The following SLC25A13 variants were observed in gnomAD, a reference collection of about 807,000 sequenced individuals.
SLC25A13 encodes the protein solute carrier family 25 member 13, also known as electrogenic aspartate/glutamate antiporter SLC25A13, mitochondrial.
A neutral mutation model predicts 85.5 loss-of-function variants in SLC25A13; 70 were observed. That is an observed-to-expected ratio of 0.82 (90% CI 0.68 to 1.00). SLC25A13 has a LOEUF of 1.00. Ranked by LOEUF, SLC25A13 falls within the 50% of genes least tolerant of loss-of-function variation. The pLI is 0.00. For synonymous variants in SLC25A13, 259 were observed against 288.7 expected, an observed-to-expected ratio of 0.90 and a Z score of 1.04; for missense variants, 765 against 819.8, an observed-to-expected ratio of 0.93 and a Z score of 0.82.
intron 4 of SLC25A13, among the ~76,000 whole-genome samples, chr7:96,227,533 T>C (rs938390427): frequency 1.3e-5 from 2 of 152,146 alleles, no homozygotes; most frequent in African/African-American, 2.4e-5. Flanking sequence ...ATATGACTTA[T>C]AAAGCTGTAG....
At chr7:96,187,232 G>A (rs1023351574) in intron 9 of SLC25A13, among the ~76,000 whole-genome samples, 8 of 152,114 alleles carry the variant, frequency 5.3e-5, no homozygotes, top group African/African-American at 1.9e-4. Context: ...AATAAAATTT[G>A]TTTTTCAGAA....
At chr7:96,192,074 T>C (rs1794875503) in intron 6 of SLC25A13, among the ~76,000 whole-genome samples, 1 of 152,106 alleles carries the variant, frequency 6.6e-6, no homozygotes, top group African/African-American at 2.4e-5. Context: ...AAGTTTAGTA[T>C]GGAGTAGAGA....
intron 3 of SLC25A13, among the ~76,000 whole-genome samples, chr7:96,270,851 A>G (rs1798214178): frequency 6.6e-6 from 1 of 152,090 alleles, no homozygotes; most frequent in Non-Finnish European, 1.5e-5. Context: ...CTTGCGGAAA[A>G]TCCCCTCTTG....
intron 3 of SLC25A13, among the ~76,000 whole-genome samples, chr7:96,249,520 A>G (rs948290104): frequency 5.3e-5 from 8 of 152,214 alleles, no homozygotes; most frequent in Non-Finnish European, 8.8e-5. Context: ...TCATGGAAGA[A>G]CCTATATAAA....
intron 13 of SLC25A13, among the ~76,000 whole-genome samples, chr7:96,153,357 A>G (rs1351334024): frequency 6.6e-6 from 1 of 152,248 alleles, no homozygotes; most frequent in African/African-American, 2.4e-5. Flanking sequence ...CTCCATAGGA[A>G]GTTATGATTA....
At position 96,296,954 on chromosome 7, in the gene SLC25A13, A is replaced by G; in HGVS notation, c.16-3T>C. 1 of 1,611,236 alleles carries G rather than the reference A, an allele frequency of 6.2e-7. No homozygotes were observed. The highest frequency in any genetic ancestry group is 8.5e-7 in the Non-Finnish European group (1 of 1,177,484). On this transcript the variant is annotated splice_region_variant and splice_polypyrimidine_tract_variant and intron_variant, in intron 1 of 17. Coordinates refer to ENST00000265631, the MANE Select transcript of SLC25A13 (RefSeq NM_014251.3). ...TCTGCTCTCTTGGTTAAAGCCACCT[A>G]TAAATAAACATAAAAATGTTTATGT...
chr7:96,159,310 A>T (rs1017871458), intron 13 of SLC25A13, among the ~76,000 whole-genome samples: 1 of 152,210 alleles, frequency 6.6e-6, no homozygotes, highest in African/African-American at 2.4e-5. Flanking sequence ...CTGAAGTCCT[A>T]ACTCTCAGGA....
chr7:96,312,686 T>C (rs963704743), intron 1 of SLC25A13, among the ~76,000 whole-genome samples: 7 of 152,224 alleles, frequency 4.6e-5, no homozygotes, highest in African/African-American at 1.4e-4. Context: ...TGCTAAGTAC[T>C]GTACCCATGA....
At chr7:96,254,235 G>A (rs779618335) in intron 3 of SLC25A13, among the ~76,000 whole-genome samples, 2 of 152,168 alleles carry the variant, frequency 1.3e-5, no homozygotes, top group Non-Finnish European at 2.9e-5. Flanking sequence ...AATGTGGTAG[G>A]CAACATCCAA....
intron 13 of SLC25A13, among the ~76,000 whole-genome samples, chr7:96,159,163 G>A (rs974328452): frequency 6.6e-5 from 10 of 152,206 alleles, no homozygotes; most frequent in African/African-American, 2.2e-4. Context: ...GAAGGGAAGT[G>A]TGTTGGGCTC....
intron 11 of SLC25A13, among the ~76,000 whole-genome samples, chr7:96,175,693 T>C (rs933759885): frequency 6.6e-6 from 1 of 152,140 alleles, no homozygotes; most frequent in Non-Finnish European, 1.5e-5. Flanking sequence ...TGTAGATGCA[T>C]GGGGTGGCTT....
intron 14 of SLC25A13, among the ~76,000 whole-genome samples, chr7:96,145,370 T>G (rs1792741520): frequency 6.6e-6 from 1 of 152,132 alleles, no homozygotes; most frequent in Non-Finnish European, 1.5e-5. Flanking sequence ...TATTACTAAT[T>G]CTGGATGTTT....
intron 15 of SLC25A13, 128 bp downstream of exon 15, chr7:96,131,615 T>G: frequency 8.2e-7 from 1 of 1,214,290 alleles, no homozygotes; most frequent in Non-Finnish European, 1.2e-6. Flanking sequence ...AGCTCTTCAA[T>G]CTCTAGCAAA....
intron 4 of SLC25A13, among the ~76,000 whole-genome samples, chr7:96,233,615 T>A (rs1389269966): frequency 6.6e-6 from 1 of 152,216 alleles, no homozygotes. Flanking sequence ...TATTATACTA[T>A]CTTACCAATA....
At chr7:96,185,063 A>T (rs1794579325) in intron 9 of SLC25A13, 52 bp from the exon 10 acceptor site, 9 of 1,453,996 alleles carry the variant, frequency 6.2e-6, no homozygotes, top group Middle Eastern at 3.5e-4. Context: ...GACAGAAAAG[A>T]AGATAAAACA....
At position 96,171,468 on chromosome 7, in the gene SLC25A13, T is replaced by C; in HGVS notation, c.1230+4A>G. 1 of 1,612,738 alleles carries C rather than the reference T, an allele frequency of 6.2e-7. No homozygotes were observed. Among genetic ancestry groups the C allele is most frequent in the Non-Finnish European group, 8.5e-7 (1 of 1,178,772 alleles). On this transcript the variant is annotated splice_donor_region_variant and intron_variant, in intron 12 of 17. Transcript: ENST00000265631. ...AATAAGAAGCACCAACTCAAAAGAC[T>C]TACTGTAAGTTTTATGGCCTTCTCT...
intron 14 of SLC25A13, among the ~76,000 whole-genome samples, chr7:96,140,250 G>T (rs1478210676): frequency 6.6e-6 from 1 of 151,678 alleles, no homozygotes. Flanking sequence ...GAGCCACCGC[G>T]CCCGGCCTGA....
intron 14 of SLC25A13, among the ~76,000 whole-genome samples, chr7:96,142,243 T>C (rs113952290): frequency 0.013 from 2,000 of 151,982 alleles, 33 homozygotes; most frequent in African/African-American, 0.045. Flanking sequence ...GCAGAGTACC[T>C]GAAAGGAAGC....
In SLC25A13 at chr7:96,184,420, G is replaced by A. The variant is rs1409498730; in HGVS notation, c.1034C>T (p.Ala345Val). The change falls in exon 11 of 18, where the codon GCT becomes GTT. Residue 345 changes from alanine (A) to valine (V), a missense_variant. By Grantham distance (64) the Ala-to-Val change is moderately conservative (BLOSUM62 0). Coordinates refer to ENST00000265631, the MANE Select transcript of SLC25A13 (RefSeq NM_014251.3). ...GSVAGAVGAT[A>V]VYPIDLVKTR... ...TTTTACAAGATCGATAGGATACACA[G>A]CAGTGGCTCCAACAGCTAAAATTAA... 3.7e-6 allele frequency: 6 copies of A among 1,614,014 alleles called. No individual in the cohort carries two copies. The highest frequency in any genetic ancestry group is 1.7e-5 in the Admixed American group (1 of 60,002).
Sources: allele counts gnomAD v4.1 joint callset (sites outside exome capture counted in the v4.1 genomes callset), GRCh38; gene constraint gnomAD v4.1.1; transcripts MANE v1.5; gene names NCBI Gene and HGNC (gene_info 2026-07-23, HGNC 2026-07-21).